The following TRERF1 variants were observed in gnomAD, a reference collection of about 807,000 sequenced individuals.
The protein encoded by TRERF1 is transcriptional-regulating factor 1.
Under a neutral mutation model 122.9 loss-of-function variants are expected in TRERF1, and 27 were observed. The observed-to-expected ratio is 0.22, with a 90% CI of 0.16 to 0.30. TRERF1 has a LOEUF of 0.30. TRERF1 is among the 10% of genes least tolerant of loss of function. TRERF1 has a pLI of 1.00. For missense variants in TRERF1, 1,248 were observed against 1,560.3 expected (o/e 0.80, Z 3.37); for synonymous variants, 636 against 641.7 (o/e 0.99, Z 0.13).
intron 2 of TRERF1, among the ~76,000 whole-genome samples, chr6:42,448,814 A>G (rs914616908): frequency 4.6e-5 from 7 of 152,256 alleles, no homozygotes; most frequent in African/African-American, 1.4e-4. Context: ...TAAGCCAACT[A>G]TTGAACACAA....
At chr6:42,327,280 T>A (rs946719275) in intron 3 of TRERF1, among the ~76,000 whole-genome samples, 1 of 152,200 alleles carries the variant, frequency 6.6e-6, no homozygotes, top group Non-Finnish European at 1.5e-5. Context: ...TTCACCCATA[T>A]ATCTCACAAG....
In TRERF1 at chr6:42,397,286, C is replaced by T. The variant is rs186850876; in HGVS notation, c.-453-34207G>A. Among the ~76,000 whole-genome samples, 3 of 152,240 alleles carry T rather than the reference C, an allele frequency of 2.0e-5. No homozygotes were observed. The East Asian group carries it at 5.8e-4, about 29-fold the overall frequency. The stretch of plus-strand genomic sequence containing the variant: ...CATTTGTGAGACAAAAACCAACAGC[C>T]TCAGGCACTTTCCCCAGAAAGTATT... On this transcript the variant is annotated intron_variant, in intron 2 of 17. Coordinates refer to ENST00000372922, the Ensembl canonical transcript of TRERF1.
chr6:42,396,501 T>C lies in TRERF1; in HGVS notation c.-453-33422A>G, dbSNP rs58327182. Among the ~76,000 whole-genome samples the C allele has an allele frequency of 3.8e-3, 585 of 152,352 alleles. 3 individuals carry two copies. The highest frequency in any genetic ancestry group is 0.012 in the African/African-American group (519 of 41,586). On this transcript the variant is annotated intron_variant, in intron 2 of 17. Transcript: ENST00000372922. ...GGGAAATGATAGAGAATAATAAATATTTTTTATTGTAAAAGTAAATATAGT... is the reference window on the plus strand; with the variant it reads ...GGGAAATGATAGAGAATAATAAATACTTTTTATTGTAAAAGTAAATATAGT...
chr6:42,360,771 TAAAAAAAAAAAAAA>T lies in TRERF1; in HGVS notation c.-371+2212_-371+2225del, dbSNP rs55924002. 2.2e-4 allele frequency among the ~76,000 whole-genome samples: 8 copies of T among 36,450 alleles called. No individual in the cohort carries two copies. In the South Asian group the frequency reaches 6.8e-3, roughly 31 times the overall value. 23.9% of individuals were successfully genotyped at this position (36,450 alleles called of 152,430 possible). A position where few individuals can be genotyped will look rare whatever the true frequency, so the allele number is the denominator to read the frequency against. On this transcript the variant is annotated intron_variant, in intron 3 of 17. Coordinates refer to ENST00000372922, the Ensembl canonical transcript of TRERF1. ...CCCAGGGAGGAAGGAGTGGAGAGAT[TAAAAAAAAAAAAAA>T]AAAAAAAAAAAAAAAAACCTGGATG...
chr6:42,416,653 ACC>A (rs571073277), intron 2 of TRERF1, among the ~76,000 whole-genome samples: 58 of 152,196 alleles, frequency 3.8e-4, no homozygotes, highest in African/African-American at 1.4e-3. Context: ...CTGTGTGCAC[ACC>A]TGTTTTTTTG....
chr6:42,355,204 C>T (rs1268441742), intron 3 of TRERF1, among the ~76,000 whole-genome samples: 2 of 152,112 alleles, frequency 1.3e-5, no homozygotes, highest in Non-Finnish European at 2.9e-5. Context: ...GCTGCATGAA[C>T]CTGATATTCC....
At chr6:42,245,791 G>T (rs1774679987) in intron 14 of TRERF1, among the ~76,000 whole-genome samples, 1 of 152,240 alleles carries the variant, frequency 6.6e-6, no homozygotes, top group Non-Finnish European at 1.5e-5. Flanking sequence ...TGTCAGAAAT[G>T]TGGTAGATCT....
chr6:42,232,040 A>G lies in TRERF1; in HGVS notation c.3278+641T>C, dbSNP rs1437683513. 1.3e-5 allele frequency among the ~76,000 whole-genome samples: 2 copies of G among 152,374 alleles called. No individual in the cohort carries two copies. The highest frequency in any genetic ancestry group is 3.9e-4 in the East Asian group (2 of 5,192). On this transcript the variant is annotated intron_variant, in intron 17 of 17. Transcript: ENST00000372922. The surrounding 1 kb of genome is among the most constrained non-coding windows in gnomAD (Gnocchi z 4.5). ...GTAAATGTTAGCTATTATAATTACT[A>G]TCTCGTTACTTTTTTTCTTTAGCTG...
chr6:42,282,458 G>A (rs540434148), intron 4 of TRERF1, among the ~76,000 whole-genome samples: 3 of 152,218 alleles, frequency 2.0e-5, no homozygotes, highest in Non-Finnish European at 4.4e-5. Context: ...TGAGGTGGGA[G>A]CATCAATTGA....
intron 2 of TRERF1, among the ~76,000 whole-genome samples, chr6:42,398,944 G>A (rs568230319): frequency 6.6e-6 from 1 of 152,324 alleles, no homozygotes; most frequent in South Asian, 2.1e-4. Context: ...CCTACATTGT[G>A]TAGGCCTGAT....
intron 2 of TRERF1, among the ~76,000 whole-genome samples, chr6:42,402,945 A>G (rs1779620564): frequency 6.6e-6 from 1 of 151,722 alleles, no homozygotes; most frequent in Non-Finnish European, 1.5e-5. Flanking sequence ...CTTCTGTGGC[A>G]CCCTGAAGGT....
At chr6:42,254,987 A>T in intron 12 of TRERF1, 61 bp from the exon 13 acceptor site, 1 of 1,547,678 alleles carries the variant, frequency 6.5e-7, no homozygotes, top group Non-Finnish European at 8.9e-7. Context: ...TCCTATGGAG[A>T]TCATCTACCC....
At position 42,393,621 on chromosome 6, in the gene TRERF1, G is replaced by T. The variant is rs1267290486; in HGVS notation, c.-453-30542C>A. On this transcript the variant is annotated intron_variant, in intron 2 of 17. Transcript: ENST00000372922. The surrounding 1 kb of genome is among the most constrained non-coding windows in gnomAD (Gnocchi z 4.1). ...CAGAGAATTTCTTTCCTAAAACAGT[G>T]ACCTAGCTATTAAAATCTGCATTCC... 6.6e-6 allele frequency among the ~76,000 whole-genome samples: 1 copy of T among 152,188 alleles called. No individual in the cohort carries two copies. The highest frequency in any genetic ancestry group is 2.4e-5 in the African/African-American group (1 of 41,444).
In TRERF1 at chr6:42,259,739, C is replaced by T. The variant is rs904930473; in HGVS notation, c.1885-16G>A. On this transcript the variant is annotated splice_polypyrimidine_tract_variant and intron_variant, in intron 8 of 17. Transcript: ENST00000372922. This position sits in a 1 kb window ranked among gnomAD's most constrained non-coding sequence, Gnocchi z 4.9. ...TGGGGATTTCCTAAAACCGGAACAACGATCTGATTCGAATACTTCAGCTTC... is the reference window on the plus strand; with the variant it reads ...TGGGGATTTCCTAAAACCGGAACAATGATCTGATTCGAATACTTCAGCTTC... 8.7e-6 allele frequency: 14 copies of T among 1,600,000 alleles called. No individual in the cohort carries two copies. In the East Asian group the frequency reaches 8.9e-5, roughly 10 times the overall value.
intron 2 of TRERF1, among the ~76,000 whole-genome samples, chr6:42,424,968 G>A (rs554365387): frequency 2.6e-5 from 4 of 152,256 alleles, no homozygotes; most frequent in Admixed American, 1.3e-4. Flanking sequence ...ATGAATGCAC[G>A]AGTAACCCAG....
chr6:42,369,979 C>T (rs905777339), intron 2 of TRERF1, among the ~76,000 whole-genome samples: 3 of 152,192 alleles, frequency 2.0e-5, no homozygotes, highest in African/African-American at 7.2e-5. Context: ...CTGACCTCCA[C>T]ATGAAAACAT....
Position 42,268,757 on chromosome 6 carries a change from G to A in TRERF1, c.834C>T (p.Ala278=), listed in dbSNP as rs371272659. 6.6e-5 allele frequency: 107 copies of A among 1,614,034 alleles called. No homozygotes were observed. Among genetic ancestry groups the A allele is most frequent in the Non-Finnish European group, 8.2e-5 (97 of 1,180,042 alleles). Reference sequence around the variant, plus strand: ...CTTGCATGGAGATACGCTGTTGCCCGGCTTGCTGCTGTTGCTGCGGTGGGT... The same window carrying A: ...CTTGCATGGAGATACGCTGTTGCCCAGCTTGCTGCTGTTGCTGCGGTGGGT... The change falls in exon 5 of 18, where the codon GCC becomes GCT. Residue 278 remains alanine, a synonymous_variant. Transcript: ENST00000372922. The surrounding 1 kb of genome is among the most constrained non-coding windows in gnomAD (Gnocchi z 4.4).
At chr6:42,332,321 G>A (rs1462752258) in intron 3 of TRERF1, among the ~76,000 whole-genome samples, 2 of 152,246 alleles carry the variant, frequency 1.3e-5, no homozygotes, top group African/African-American at 4.8e-5. Flanking sequence ...TAGCAGGCGG[G>A]GCCAAGCCCA....
intron 2 of TRERF1, among the ~76,000 whole-genome samples, chr6:42,418,611 T>C (rs1782281055): frequency 6.6e-6 from 1 of 152,024 alleles, no homozygotes; most frequent in African/African-American, 2.4e-5. Context: ...ATGCTGCTGG[T>C]GCAGGGACTG....
Sources: gnomAD v4.1 joint callset for allele counts (sites outside exome capture counted in the v4.1 genomes callset) on GRCh38, gnomAD v4.1.1 for gene constraint, Gnocchi (gnomAD v3.1) non-coding constraint, MANE v1.5 for transcripts, NCBI Gene and HGNC (gene_info 2026-07-23, HGNC 2026-07-21) for gene names.